TOX3: variants seen among roughly 807,000 people sequenced by gnomAD.
TOX3 encodes TOX high mobility group box family member 3.
A neutral mutation model predicts 64.3 loss-of-function variants in TOX3; 22 were observed. The observed-to-expected ratio is 0.34, with a 90% CI of 0.24 to 0.49. The LOEUF (loss-of-function observed/expected upper bound fraction) is 0.49. Among genes scored for constraint, TOX3 ranks in the 20% least tolerant of loss-of-function variants. TOX3 has a pLI of 0.99. For synonymous variants in TOX3, 291 were observed against 273.6 expected (o/e 1.06, Z -0.63); for missense variants, 661 against 714.4 (o/e 0.93, Z 0.85).
At chr16:52,462,766 T>C (rs1477783916) in intron 3 of TOX3, among the ~76,000 whole-genome samples, 1 of 152,020 alleles carries the variant, frequency 6.6e-6, no homozygotes, top group Non-Finnish European at 1.5e-5. Flanking sequence ...CAGGAAACAA[T>C]TATTTGTGAT....
intron 1 of TOX3, among the ~76,000 whole-genome samples, chr16:52,524,472 C>T (rs1962679598): frequency 6.6e-6 from 1 of 152,252 alleles, no homozygotes; most frequent in Non-Finnish European, 1.5e-5. Flanking sequence ...AAATGATTTC[C>T]AATCACCACG....
intron 1 of TOX3, among the ~76,000 whole-genome samples, chr16:52,526,975 G>A (rs925037606): frequency 6.6e-6 from 1 of 152,136 alleles, no homozygotes; most frequent in African/African-American, 2.4e-5. Context: ...ACAGTGCTGG[G>A]CACTAAACAC....
intron 1 of TOX3, among the ~76,000 whole-genome samples, chr16:52,485,686 G>C (rs1961512150): frequency 6.6e-6 from 1 of 152,060 alleles, no homozygotes; most frequent in Non-Finnish European, 1.5e-5. Context: ...TATAGATGGA[G>C]AATAAATAAG....
chr16:52,459,146 T>C (rs1168102415), intron 3 of TOX3, among the ~76,000 whole-genome samples: 3 of 151,898 alleles, frequency 2.0e-5, no homozygotes, highest in South Asian at 2.1e-4. Flanking sequence ...CAAGGCCCTG[T>C]CTCTATAATA....
intron 1 of TOX3, among the ~76,000 whole-genome samples, chr16:52,486,197 A>G (rs1023239347): frequency 1.2e-4 from 18 of 152,182 alleles, no homozygotes; most frequent in Admixed American, 6.5e-4. Flanking sequence ...AGAGGCCTAG[A>G]GGAGAACCCT....
chr16:52,444,929 G>A (rs1326878348), intron 5 of TOX3: 1 of 152,202 alleles, frequency 6.6e-6, no homozygotes, highest in Non-Finnish European at 1.5e-5. Flanking sequence ...ATTTCCATTA[G>A]TGACCCCACT....
chr16:52,467,218 T>C (rs1960895162), intron 2 of TOX3, among the ~76,000 whole-genome samples: 1 of 152,198 alleles, frequency 6.6e-6, no homozygotes, highest in South Asian at 2.1e-4. Context: ...GAACAGCTGC[T>C]GGCAGTAGAG....
chr16:52,470,748 C>G (rs1335158538), intron 1 of TOX3, among the ~76,000 whole-genome samples: 2 of 152,212 alleles, frequency 1.3e-5, no homozygotes, highest in Non-Finnish European at 1.5e-5. Flanking sequence ...AGCGTTTAGT[C>G]AAGCAGGTGG....
Position 52,439,955 on chromosome 16 carries a change from G to T in TOX3, c.1001C>A (p.Ser334Ter). 1 of 1,559,176 alleles carries T rather than the reference G, an allele frequency of 6.4e-7. No individual in the cohort carries two copies. The highest frequency in any genetic ancestry group is 1.2e-5 in the South Asian group (1 of 81,640). The change falls in exon 7 of 7, where the codon TCA becomes TAA. Residue 334 changes from serine to a stop codon, truncating the protein, a stop_gained. Coordinates refer to ENST00000219746, the MANE Select transcript of TOX3 (RefSeq NM_001080430.4). LOFTEE classifies it high-confidence loss of function. ...AGAACGGATGGTCTGGGCTTCTGCT[G>T]ACTCAGCAGCAGCCTGCATTTTGGG... ...ASLVSKAAAE[S>*]AEAQTIRSVQ... is the part of the protein sequence containing the mutation.
intron 1 of TOX3, among the ~76,000 whole-genome samples, chr16:52,477,780 A>G (rs1265007023): frequency 6.6e-6 from 1 of 152,158 alleles, no homozygotes; most frequent in Non-Finnish European, 1.5e-5. Flanking sequence ...TTGCCACATC[A>G]CAGGGGTTTT....
At chr16:52,470,030 GA>G (rs1960994230) in intron 1 of TOX3, among the ~76,000 whole-genome samples, 1 of 152,204 alleles carries the variant, frequency 6.6e-6, no homozygotes, top group East Asian at 1.9e-4. Context: ...AAGGATTTCT[GA>G]AAGATGAATT....
chr16:52,491,703 C>T (rs545888718), intron 1 of TOX3, among the ~76,000 whole-genome samples: 2 of 152,102 alleles, frequency 1.3e-5, no homozygotes, highest in South Asian at 2.1e-4. Flanking sequence ...ATTGGATACA[C>T]TATGTGGAAC....
chr16:52,453,124 C>T (rs1199910917), intron 3 of TOX3, among the ~76,000 whole-genome samples: 1 of 152,056 alleles, frequency 6.6e-6, no homozygotes, highest in Non-Finnish European at 1.5e-5. Context: ...CACCCCCACA[C>T]TACTGGTAAT....
intron 4 of TOX3, among the ~76,000 whole-genome samples, chr16:52,448,553 C>T (rs1438252579): frequency 6.6e-6 from 1 of 152,152 alleles, no homozygotes; most frequent in Non-Finnish European, 1.5e-5. Flanking sequence ...ATTTACCATT[C>T]CTGGGCCCAA....
chr16:52,511,651 A>C (rs1173376413), intron 1 of TOX3, among the ~76,000 whole-genome samples: 2 of 152,238 alleles, frequency 1.3e-5, no homozygotes, highest in Non-Finnish European at 2.9e-5. Flanking sequence ...ATGAGGAAAG[A>C]ATCAGCATTT....
chr16:52,546,674 T>A lies in TOX3; in HGVS notation c.50A>T (p.Asp17Val). Residue 17 changes from aspartate (D) to valine (V), a missense_variant, in exon 1 of 7, where the codon GAC (aspartate) becomes GTC (valine). Asp to Val is a radical substitution (Grantham distance 152). This residue lies in a region of TOX3 where 259 missense variants were observed against 261.2 expected (regional missense o/e 0.99). Transcript: ENST00000219746. ...PAAAGDPASLDFAQCLGYYGY... is the reference protein window; with the variant it reads ...PAAAGDPASLVFAQCLGYYGY... ...GTAGTACCCCAGGCACTGCGCGAAG[T>A]CCAGGCTGGCAGGGTCCCCGGCCGC... 6.5e-7 allele frequency: 1 copy of A among 1,544,232 alleles called. No individual in the cohort carries two copies. Among genetic ancestry groups the A allele is most frequent in the Non-Finnish European group, 8.7e-7 (1 of 1,148,334 alleles).
intron 1 of TOX3, among the ~76,000 whole-genome samples, chr16:52,480,419 T>A (rs986976067): frequency 6.6e-6 from 1 of 152,172 alleles, no homozygotes; most frequent in Admixed American, 6.5e-5. Context: ...TTAGAGACTT[T>A]CTGCTGAAAA....
chr16:52,530,114 T>A (rs45587233), intron 1 of TOX3, among the ~76,000 whole-genome samples: 3,227 of 152,318 alleles, frequency 0.021, 59 homozygotes, highest in Middle Eastern at 0.068. Context: ...CAGATTTTAT[T>A]AACACAAACT....
intron 1 of TOX3, among the ~76,000 whole-genome samples, chr16:52,500,708 A>G (rs1178199395): frequency 1.3e-5 from 2 of 152,220 alleles, no homozygotes; most frequent in African/African-American, 4.8e-5. Flanking sequence ...ACCACTTCCC[A>G]TTTATCGTCT....
Sources: gnomAD v4.1 joint callset for allele counts (sites outside exome capture counted in the v4.1 genomes callset) on GRCh38, gnomAD v4.1.1 for gene constraint, gnomAD v4.1.1 regional missense constraint, MANE v1.5 for transcripts, NCBI Gene and HGNC (gene_info 2026-07-23, HGNC 2026-07-21) for gene names.